Variants in CSMD1 observed in about 807,000 individuals in gnomAD.
The protein encoded by CSMD1 is CUB and sushi domain-containing protein 1.
CSMD1 carries 213 observed loss-of-function variants against 417.5 expected under a neutral mutation model. That is an observed-to-expected ratio of 0.51 (90% CI 0.46 to 0.57). The LOEUF is 0.57. Ranked by LOEUF, CSMD1 falls within the 20% of genes least tolerant of loss-of-function variation. CSMD1 has a pLI of 0.00. For missense variants in CSMD1, 6,923 were observed against 4,529.7 expected (o/e 1.53, Z -15.17); for synonymous variants, 2,862 against 1,736.8 (o/e 1.65, Z -16.11).
intron 2 of CSMD1, among the ~76,000 whole-genome samples, chr8:4,535,118 A>G (rs1797039449): frequency 6.6e-6 from 1 of 152,208 alleles, no homozygotes; most frequent in African/African-American, 2.4e-5. Context: ...ATACAATATT[A>G]AAAACATAAT....
intron 2 of CSMD1, among the ~76,000 whole-genome samples, chr8:4,626,424 T>C (rs772266924): frequency 5.3e-5 from 8 of 152,160 alleles, no homozygotes; most frequent in Non-Finnish European, 1.2e-4. Context: ...AGTCCAACAA[T>C]AGTAGTAACT....
rs558181014 is a variant in CSMD1, at chr8:3,334,713, T to C, written c.3631+8581A>G. Among the ~76,000 whole-genome samples, 26 of 152,324 alleles carry C rather than the reference T, an allele frequency of 1.7e-4. No homozygotes were observed. In the South Asian group the frequency reaches 5.4e-3, roughly 32 times the overall value. ...TGCAGTGCAAACGGCTGCAAATGGA[T>C]GGGCCATTTTACAGAATGGATGCCA... is the stretch of plus-strand genomic sequence containing the variant. On this transcript the variant is annotated intron_variant, in intron 23 of 69. Coordinates refer to ENST00000635120, the MANE Select transcript of CSMD1 (RefSeq NM_033225.6).
At chr8:3,364,164 A>G (rs1809395407) in intron 20 of CSMD1, among the ~76,000 whole-genome samples, 1 of 152,192 alleles carries the variant, frequency 6.6e-6, no homozygotes, top group Non-Finnish European at 1.5e-5. Context: ...TACTTAAAAA[A>G]AAAACTCCAT....
chr8:4,728,547 T>G (rs951569039), intron 1 of CSMD1, among the ~76,000 whole-genome samples: 1 of 152,126 alleles, frequency 6.6e-6, no homozygotes. Flanking sequence ...TTTAGCTTAT[T>G]TGGAGCTCTT....
At chr8:4,043,288 C>T (rs150324146) in intron 3 of CSMD1, among the ~76,000 whole-genome samples, 1 of 152,008 alleles carries the variant, frequency 6.6e-6, no homozygotes, top group East Asian at 1.9e-4. Flanking sequence ...AGAAAGTACC[C>T]AATCCAACAA....
chr8:4,159,174 C>T (rs1360916142), intron 3 of CSMD1, among the ~76,000 whole-genome samples: 1 of 152,146 alleles, frequency 6.6e-6, no homozygotes, highest in Non-Finnish European at 1.5e-5. Context: ...TCTCGGCCTC[C>T]CAAAGTGCTG....
At chr8:3,343,524 C>A in intron 22 of CSMD1, 74 bp from the exon 23 acceptor site, 2 of 1,314,150 alleles carry the variant, frequency 1.5e-6, no homozygotes, top group South Asian at 1.4e-5. Flanking sequence ...AATAAACAAT[C>A]CAAATCTTCA....
At position 3,586,119 on chromosome 8, in the gene CSMD1, C is replaced by T. The variant is rs1317666305; in HGVS notation, c.1222+17G>A. 1.2e-6 allele frequency: 2 copies of T among 1,605,512 alleles called. No individual in the cohort carries two copies. The highest frequency in any genetic ancestry group is 1.1e-5 in the South Asian group (1 of 89,282). On this transcript the variant is annotated intron_variant, in intron 9 of 69. Transcript: ENST00000635120. ...AGAAAGAGATAATCCAGGCTTTACC[C>T]ACCGCAGGTGCCTTACCTCGGCAGA... is the stretch of plus-strand genomic sequence containing the variant.
At chr8:3,987,620 G>C (rs1336984620) in intron 5 of CSMD1, among the ~76,000 whole-genome samples, 1 of 152,208 alleles carries the variant, frequency 6.6e-6, no homozygotes, top group African/African-American at 2.4e-5. Flanking sequence ...TCTGAGAACT[G>C]TGAAGGATGA....
At chr8:3,172,538 T>G (rs912459161) in intron 37 of CSMD1, among the ~76,000 whole-genome samples, 1 of 152,190 alleles carries the variant, frequency 6.6e-6, no homozygotes, top group African/African-American at 2.4e-5. Flanking sequence ...AGAGACCACA[T>G]TGATCTTGTT....
chr8:4,228,995 G>C (rs537076508), intron 3 of CSMD1, among the ~76,000 whole-genome samples: 3 of 152,080 alleles, frequency 2.0e-5, no homozygotes, highest in African/African-American at 7.2e-5. Context: ...GCGCGAACCT[G>C]GACTTTTCCA....
At chr8:4,742,266 A>C (rs1174070937) in intron 1 of CSMD1, among the ~76,000 whole-genome samples, 1 of 151,154 alleles carries the variant, frequency 6.6e-6, no homozygotes, top group Non-Finnish European at 1.5e-5. Context: ...TCCTGACCTC[A>C]TGATCCACCC....
intron 3 of CSMD1, among the ~76,000 whole-genome samples, chr8:4,208,535 T>A (rs73658484): frequency 0.016 from 2,448 of 152,358 alleles, 90 homozygotes; most frequent in African/African-American, 0.056. Flanking sequence ...CAGATTATAT[T>A]TTTAAACTTC....
chr8:3,555,570 T>C (rs73177001), intron 10 of CSMD1, among the ~76,000 whole-genome samples: 10 of 152,366 alleles, frequency 6.6e-5, no homozygotes, highest in Admixed American at 2.6e-4. Flanking sequence ...ACTGAAGCTT[T>C]TGTGTAAGTT....
intron 3 of CSMD1, among the ~76,000 whole-genome samples, chr8:4,384,939 C>T (rs1157805665): frequency 5.3e-5 from 8 of 152,174 alleles, no homozygotes; most frequent in Non-Finnish European, 1.2e-4. Context: ...ATCATCTTCA[C>T]ATCAGGAAAT....
chr8:3,855,548 G>A (rs556198930), intron 5 of CSMD1, among the ~76,000 whole-genome samples: 4 of 152,276 alleles, frequency 2.6e-5, no homozygotes, highest in Non-Finnish European at 4.4e-5. Flanking sequence ...AGGCATTAAT[G>A]AGTTTAACAG....
intron 12 of CSMD1, among the ~76,000 whole-genome samples, chr8:3,419,614 C>G (rs377214823): frequency 4.0e-5 from 6 of 151,848 alleles, no homozygotes; most frequent in African/African-American, 1.5e-4. Flanking sequence ...GCTATAGATT[C>G]GTAACCCCTT....
intron 3 of CSMD1, among the ~76,000 whole-genome samples, chr8:4,102,884 T>C (rs1043592931): frequency 6.6e-6 from 1 of 152,176 alleles, no homozygotes; most frequent in Non-Finnish European, 1.5e-5. Context: ...ACCTCTGCAG[T>C]CTAAAGGTTA....
intron 3 of CSMD1, among the ~76,000 whole-genome samples, chr8:4,243,334 A>C (rs142443382): frequency 2.0e-5 from 3 of 152,264 alleles, no homozygotes; most frequent in African/African-American, 7.2e-5. Context: ...TGCTGTACTA[A>C]AGCTTTGAAA....
Sources: allele counts gnomAD v4.1 joint callset (sites outside exome capture counted in the v4.1 genomes callset), GRCh38; gene constraint gnomAD v4.1.1; transcripts MANE v1.5; gene names NCBI Gene and HGNC (gene_info 2026-07-23, HGNC 2026-07-21).